Variants in LARGE1 observed in about 807,000 individuals in gnomAD.
LARGE1 encodes the protein xylosyl- and glucuronyltransferase LARGE1.
Under a neutral mutation model 87.6 loss-of-function variants are expected in LARGE1, and 43 were observed. The observed-to-expected ratio is 0.49, with a 90% CI of 0.38 to 0.63. The LOEUF (loss-of-function observed/expected upper bound fraction) is 0.63. LARGE1 is among the 30% of genes least tolerant of loss of function. LARGE1 has a pLI of 0.00. For synonymous variants in LARGE1, 434 were observed against 394.6 expected (o/e 1.10, Z -1.18); for missense variants, 802 against 1,000.2 (o/e 0.80, Z 2.67).
At chr22:33,518,775 C>A (rs943555097) in intron 6 of LARGE1, among the ~76,000 whole-genome samples, 4 of 152,146 alleles carry the variant, frequency 2.6e-5, no homozygotes, top group Admixed American at 6.5e-5. Flanking sequence ...AACTGCACCC[C>A]CTGAGGGGAC....
the LARGE1 span, among the ~76,000 whole-genome samples, chr22:33,103,324 T>A: frequency 9.6e-4 from 142 of 147,166 alleles, 1 homozygote; most frequent in Non-Finnish European, 4.0e-4. Context: ...TCCCAGCTAC[T>A]CGGGAGGCTG....
intron 9 of LARGE1, among the ~76,000 whole-genome samples, chr22:33,345,829 C>T (rs1030417204): frequency 6.6e-6 from 1 of 152,132 alleles, no homozygotes; most frequent in African/African-American, 2.4e-5. Context: ...TGGAAAGAGT[C>T]CAGCCAATAC....
chr22:33,905,830 T>C (rs772662257), intron 1 of LARGE1, among the ~76,000 whole-genome samples: 9 of 152,264 alleles, frequency 5.9e-5, no homozygotes, highest in Non-Finnish European at 1.2e-4. Context: ...TGTGCCTTTA[T>C]AAAATGAGGG....
intron 1 of LARGE1, among the ~76,000 whole-genome samples, chr22:33,812,271 T>C (rs756711535): frequency 1.3e-5 from 2 of 152,182 alleles, no homozygotes; most frequent in African/African-American, 2.4e-5. Context: ...TAAAACATAT[T>C]GGGAATTGTG....
chr22:33,365,554 A>C (rs1341751287), intron 9 of LARGE1, among the ~76,000 whole-genome samples: 2 of 151,414 alleles, frequency 1.3e-5, no homozygotes, highest in Non-Finnish European at 2.9e-5. Context: ...AGAGTTGCTT[A>C]TATATTTTGT....
chr22:33,426,956 A>T (rs942201369), intron 7 of LARGE1, among the ~76,000 whole-genome samples: 2 of 152,202 alleles, frequency 1.3e-5, no homozygotes, highest in Non-Finnish European at 2.9e-5. Flanking sequence ...CAAACATGCC[A>T]TCTTCTTTCT....
intron 1 of LARGE1, among the ~76,000 whole-genome samples, chr22:33,809,751 A>G (rs1166207867): frequency 6.6e-6 from 1 of 152,160 alleles, no homozygotes; most frequent in African/African-American, 2.4e-5. Context: ...AACCAATGAG[A>G]TATTTTATAG....
At chr22:33,483,718 G>C (rs1182876491) in intron 6 of LARGE1, among the ~76,000 whole-genome samples, 1 of 152,134 alleles carries the variant, frequency 6.6e-6, no homozygotes, top group East Asian at 1.9e-4. Flanking sequence ...GTTAAAGGAC[G>C]ATTAAATTAT....
At chr22:33,254,783 T>G (rs1485502707) in intron 11 of LARGE1, among the ~76,000 whole-genome samples, 2 of 152,184 alleles carry the variant, frequency 1.3e-5, no homozygotes, top group Admixed American at 1.3e-4. Context: ...GTATCATTCT[T>G]CTTCTCTTTC....
At chr22:33,778,682 G>A (rs948505079) in intron 1 of LARGE1, among the ~76,000 whole-genome samples, 5 of 151,800 alleles carry the variant, frequency 3.3e-5, no homozygotes, top group African/African-American at 4.8e-5. Context: ...AAAGAGTCTC[G>A]CTCTGTCGCC....
intron 3 of LARGE1, among the ~76,000 whole-genome samples, chr22:33,641,074 T>C (rs1285806794): frequency 6.6e-6 from 1 of 151,472 alleles, no homozygotes; most frequent in Non-Finnish European, 1.5e-5. Flanking sequence ...TGCTAAGGGA[T>C]AGACTCCGCC....
chr22:33,100,246 G>T, the LARGE1 span, among the ~76,000 whole-genome samples: 2 of 150,994 alleles, frequency 1.3e-5, no homozygotes, highest in Admixed American at 6.6e-5. Flanking sequence ...TACTCGGGAG[G>T]CTGAGGCAAG....
At chr22:33,336,755 TACTC>T (rs1185659623) in intron 10 of LARGE1, among the ~76,000 whole-genome samples, 1 of 152,070 alleles carries the variant, frequency 6.6e-6, no homozygotes, top group East Asian at 1.9e-4. Context: ...TGCCTCAACT[TACTC>T]AACTCTAAAA....
intron 7 of LARGE1, among the ~76,000 whole-genome samples, chr22:33,386,229 A>G (rs59764542): frequency 0.23 from 34,529 of 148,014 alleles, 6,879 homozygotes; most frequent in African/African-American, 0.42. Context: ...TTTATAGGTG[A>G]GGAAACTGAG....
chr22:33,843,564 C>A (rs576908534), intron 1 of LARGE1, among the ~76,000 whole-genome samples: 2 of 151,952 alleles, frequency 1.3e-5, no homozygotes, highest in Admixed American at 6.5e-5. Context: ...TTATTCAAAC[C>A]GCACTCAAAC....
chr22:33,444,331 A>G (rs192244015), intron 6 of LARGE1, among the ~76,000 whole-genome samples: 1 of 152,222 alleles, frequency 6.6e-6, no homozygotes, highest in African/African-American at 2.4e-5. Flanking sequence ...AAGTATTATC[A>G]CTATTACCAA....
intron 10 of LARGE1, among the ~76,000 whole-genome samples, chr22:33,326,149 G>C (rs1427103697): frequency 2.0e-5 from 3 of 152,202 alleles, no homozygotes; most frequent in East Asian, 1.9e-4. Flanking sequence ...TTTGCAGGGA[G>C]GTAGGGGGCT....
In LARGE1 at chr22:33,439,170, C is replaced by T. The variant is rs138469951; in HGVS notation, c.788-6905G>A. Among the ~76,000 whole-genome samples, 618 of 150,408 alleles carry T rather than the reference C, an allele frequency of 4.1e-3. 3 individuals carry two copies. Among genetic ancestry groups the T allele is most frequent in the Middle Eastern group, 0.037 (11 of 294 alleles). ...CGGAGGCTGCAGTGAACCGAGACTG[C>T]GCCACTGCACTCCAGTCTAGGTGAC... On this transcript the variant is annotated intron_variant, in intron 6 of 14. Coordinates refer to ENST00000397394, the MANE Select transcript of LARGE1 (RefSeq NM_133642.5).
At chr22:33,505,693 G>C (rs1160716675) in intron 6 of LARGE1, among the ~76,000 whole-genome samples, 1 of 152,144 alleles carries the variant, frequency 6.6e-6, no homozygotes, top group Non-Finnish European at 1.5e-5. Context: ...CCCGTCACTG[G>C]GGAGTCTGTG....
Sources: allele counts gnomAD v4.1 joint callset (sites outside exome capture counted in the v4.1 genomes callset), GRCh38; gene constraint gnomAD v4.1.1; transcripts MANE v1.5; gene names NCBI Gene and HGNC (gene_info 2026-07-23, HGNC 2026-07-21).